Variants in TMEM177 observed in about 807,000 individuals in gnomAD.
The protein encoded by TMEM177 is transmembrane protein 177.
In TMEM177, 4 loss-of-function variants were observed where a neutral mutation model predicts 14.2. The ratio of observed to expected loss-of-function variants is 0.28; its 90% confidence interval spans 0.14 to 0.64. The LOEUF is 0.64. Among genes scored for constraint, TMEM177 ranks in the 30% least tolerant of loss-of-function variants. TMEM177 has a pLI of 0.82. For synonymous variants in TMEM177, 179 were observed against 174.5 expected, an observed-to-expected ratio of 1.03 and a Z score of -0.20; for missense variants, 344 against 405.2, an observed-to-expected ratio of 0.85 and a Z score of 1.30.
rs1688897075 is a variant in TMEM177, at chr2:119,681,370, G to T, written c.517G>T (p.Ala173Ser). The T allele has an allele frequency of 1.2e-6, 2 of 1,613,670 alleles. No individual in the cohort carries two copies. Among genetic ancestry groups the T allele is most frequent in the Non-Finnish European group, 1.7e-6 (2 of 1,179,726 alleles). ...TACCACTGCCGTGCACGCCCTGCTGGCCCCAGCTTGCCTGGCAGGGACCTG... is the reference window on the plus strand; with the variant it reads ...TACCACTGCCGTGCACGCCCTGCTGTCCCCAGCTTGCCTGGCAGGGACCTG... The part of the protein sequence containing the change: ...SSTTAVHALL[A>S]PACLAGTWAL... Residue 173 changes from alanine to serine, a missense_variant, in exon 2 of 2, where the codon GCC (alanine) becomes TCC (serine). Transcript: ENST00000272521.
chr2:119,699,991 T>TA, the TMEM177 span: 10 of 345,282 alleles, frequency 2.9e-5, no homozygotes, highest in South Asian at 1.1e-4. Flanking sequence ...CCTCCAGACT[T>TA]AGAGAGCTCA....
At chr2:119,719,929 G>A in the TMEM177 span, among the ~76,000 whole-genome samples, 1 of 152,012 alleles carries the variant, frequency 6.6e-6, no homozygotes, top group Non-Finnish European at 1.5e-5. Context: ...AAATAGCTGG[G>A]ACTATAGGTG....
the TMEM177 span, among the ~76,000 whole-genome samples, chr2:119,716,880 G>A: frequency 1.3e-5 from 2 of 152,170 alleles, no homozygotes; most frequent in East Asian, 3.8e-4. Context: ...AAATTTTGTA[G>A]ATCTTCAAGT....
the TMEM177 span, chr2:119,698,993 T>A: frequency 5.6e-6 from 1 of 178,714 alleles, no homozygotes. Flanking sequence ...TGAGACTCTG[T>A]CTCAAAACCA....
Position 119,681,858 on chromosome 2 carries a change from T to C in TMEM177, c.*69T>C, listed in dbSNP as rs1162281461. 1 of 1,464,836 alleles carries C rather than the reference T, an allele frequency of 6.8e-7. No individual in the cohort carries two copies. The highest frequency in any genetic ancestry group is 1.4e-5 in the African/African-American group (1 of 71,816). The allele number at this position is 1,464,836 out of a possible 1,614,324, so 90.7% of individuals were successfully genotyped here. On this transcript the variant is annotated 3_prime_UTR_variant, in exon 2 of 2. Coordinates refer to ENST00000272521, the MANE Select transcript of TMEM177 (RefSeq NM_030577.3). ...CTGCCATTGAGTCTGGAGGGCCCTG[T>C]TGGAGCCTTTGGACCTATAGCTCAC...
At chr2:119,707,484 C>T in the TMEM177 span, among the ~76,000 whole-genome samples, 2 of 152,210 alleles carry the variant, frequency 1.3e-5, no homozygotes, top group African/African-American at 4.8e-5. Context: ...TTTCTGGGTC[C>T]TTGTCAGCAG....
chr2:119,709,750 A>G, the TMEM177 span, among the ~76,000 whole-genome samples: 2 of 152,130 alleles, frequency 1.3e-5, no homozygotes, highest in Non-Finnish European at 2.9e-5. Flanking sequence ...GCATGAACCC[A>G]GGAGGTGGAG....
chr2:119,694,782 T>G, the TMEM177 span, among the ~76,000 whole-genome samples: 3,987 of 152,350 alleles, frequency 0.026, 55 homozygotes, highest in Non-Finnish European at 0.032. Context: ...CTGCATCATG[T>G]GCTTGTGTCA....
chr2:119,683,739 A>G (rs1331492569), downstream of TMEM177, among the ~76,000 whole-genome samples: 1 of 152,080 alleles, frequency 6.6e-6, no homozygotes, highest in Non-Finnish European at 1.5e-5. Context: ...ACCTTGGCGC[A>G]CACATCCTCC....
At chr2:119,685,698 A>G (rs760578596), downstream of TMEM177, 9 of 717,906 alleles carry the variant, frequency 1.3e-5, no homozygotes, top group South Asian at 1.2e-4. Context: ...TTTGCCCTAA[A>G]TCATAAAACT....
At chr2:119,703,069 C>T in the TMEM177 span, among the ~76,000 whole-genome samples, 1 of 152,244 alleles carries the variant, frequency 6.6e-6, no homozygotes, top group African/African-American at 2.4e-5. Flanking sequence ...CAGCAGGAGC[C>T]CCCGGGAGAA....
At chr2:119,684,556 T>C (rs1688979806), downstream of TMEM177, among the ~76,000 whole-genome samples, 1 of 152,092 alleles carries the variant, frequency 6.6e-6, no homozygotes, top group Admixed American at 6.5e-5. Context: ...GCAGTTTCAG[T>C]AACTAGAAAC....
Position 119,681,808 on chromosome 2 carries a change from A to G in TMEM177, c.*19A>G, listed in dbSNP as rs753707258. The G allele has an allele frequency of 6.3e-7, 1 of 1,598,680 alleles. No homozygotes were observed. The highest frequency in any genetic ancestry group is 1.1e-5 in the South Asian group (1 of 88,986). ...CTCCTGATGGGCTCATCACAAGGAC[A>G]CTTCCAGCTTGTGCAGACACCACCC... On this transcript the variant is annotated 3_prime_UTR_variant, in exon 2 of 2. Transcript: ENST00000272521.
At chr2:119,716,439 A>C in the TMEM177 span, among the ~76,000 whole-genome samples, 4 of 152,164 alleles carry the variant, frequency 2.6e-5, no homozygotes, top group Non-Finnish European at 5.9e-5. Flanking sequence ...AGAGAAATTT[A>C]CTGAAAAGAT....
chr2:119,694,959 A>G, the TMEM177 span, among the ~76,000 whole-genome samples: 1 of 152,182 alleles, frequency 6.6e-6, no homozygotes, highest in Non-Finnish European at 1.5e-5. Context: ...AGCTAGAAGG[A>G]CGTGTGGAGT....
At chr2:119,701,542 T>G in the TMEM177 span, among the ~76,000 whole-genome samples, 1 of 152,184 alleles carries the variant, frequency 6.6e-6, no homozygotes, top group African/African-American at 2.4e-5. Flanking sequence ...TCTCCTTACC[T>G]GTTCTTTCAG....
downstream of TMEM177, among the ~76,000 whole-genome samples, chr2:119,685,066 G>A (rs1328280862): frequency 1.3e-5 from 2 of 152,078 alleles, no homozygotes; most frequent in African/African-American, 4.8e-5. Flanking sequence ...CCTGGCTTAG[G>A]CCTCGCCTCT....
chr2:119,715,355 C>T, the TMEM177 span, among the ~76,000 whole-genome samples: 1 of 152,154 alleles, frequency 6.6e-6, no homozygotes, highest in Admixed American at 6.5e-5. Context: ...CACTGCACTC[C>T]AGCCTGGACA....
chr2:119,717,828 C>T, the TMEM177 span, among the ~76,000 whole-genome samples: 1 of 152,172 alleles, frequency 6.6e-6, no homozygotes. Context: ...CCATGTTGCC[C>T]AGCCTGGTCT....
Sources: allele counts gnomAD v4.1 joint callset (sites outside exome capture counted in the v4.1 genomes callset), GRCh38; gene constraint gnomAD v4.1.1; transcripts MANE v1.5; gene names NCBI Gene and HGNC (gene_info 2026-07-23, HGNC 2026-07-21).